RAB18: variants seen among roughly 807,000 people sequenced by gnomAD.
RAB18 encodes ras-related protein Rab-18.
Under a neutral mutation model 28.5 loss-of-function variants are expected in RAB18, and 10 were observed. The observed-to-expected ratio is 0.35, with a 90% confidence interval of 0.22 to 0.60. RAB18 has a LOEUF of 0.60. Among genes scored for constraint, RAB18 ranks in the 20% least tolerant of loss-of-function variants. RAB18 has a pLI of 0.78. For missense variants in RAB18, 188 were observed against 244.2 expected (o/e 0.77, Z 1.53); for synonymous variants, 93 against 86.9 (o/e 1.07, Z -0.39).
At chr10:27,507,324 G>A (rs1589557813) in intron 1 of RAB18, among the ~76,000 whole-genome samples, 1 of 152,192 alleles carries the variant, frequency 6.6e-6, no homozygotes, top group South Asian at 2.1e-4. Context: ...TGAAACTGGG[G>A]CTGCCACTTG....
At chr10:27,523,562 T>C (rs1834610126) in intron 2 of RAB18, among the ~76,000 whole-genome samples, 1 of 151,882 alleles carries the variant, frequency 6.6e-6, no homozygotes, top group South Asian at 2.1e-4. Context: ...CCTAATTTGC[T>C]GTTAATCCCA....
chr10:27,530,598 C>T (rs1254621028), intron 3 of RAB18, among the ~76,000 whole-genome samples: 1 of 151,770 alleles, frequency 6.6e-6, no homozygotes, highest in Non-Finnish European at 1.5e-5. Context: ...AATGATTTGT[C>T]ATTTAAAAAT....
At chr10:27,506,160 T>G (rs1414826590) in intron 1 of RAB18, among the ~76,000 whole-genome samples, 1 of 152,180 alleles carries the variant, frequency 6.6e-6, no homozygotes, top group African/African-American at 2.4e-5. Flanking sequence ...CATATGAAAT[T>G]AGTGTTTTTG....
chr10:27,532,563 A>C lies in RAB18; in HGVS notation c.243A>C (p.Ala81=). The part of the protein sequence containing the change: ...RTLTPSYYRG[A]QGVILVYDVT... ...TAACTCCCAGCTATTATAGAGGTGC[A>C]CAGGGTGTTATATTAGGTAAGTGTT... Residue 81 remains alanine (A), a synonymous_variant, in exon 4 of 7, where the codon GCA becomes GCC. Coordinates refer to ENST00000356940, the MANE Select transcript of RAB18 (RefSeq NM_021252.5). 2 of 1,600,158 alleles carry C rather than the reference A, an allele frequency of 1.2e-6. No homozygotes were observed. The highest frequency in any genetic ancestry group is 1.3e-5 in the African/African-American group (1 of 74,728).
In RAB18 at chr10:27,540,793, G is replaced by A. The variant is rs554248570; in HGVS notation, c.*2742G>A. The A allele has an allele frequency of 2.2e-6, 1 of 454,024 alleles. No individual in the cohort carries two copies. Among genetic ancestry groups the A allele is most frequent in the African/African-American group, 2.0e-5 (1 of 50,096 alleles). The allele number at this position is 454,024 out of a possible 1,614,324, so 28.1% of individuals were successfully genotyped here. ...CATCCATAAACTCATACTTGGTGTT[G>A]ACATTCTAGCTGAGTGTTGTGGAAA... On this transcript the variant is annotated 3_prime_UTR_variant, in exon 7 of 7. Transcript: ENST00000356940.
intron 1 of RAB18, 22 bp from the exon 2 acceptor site, chr10:27,509,853 G>T (rs1554899072): frequency 1.9e-6 from 3 of 1,601,760 alleles, no homozygotes; most frequent in Admixed American, 1.7e-5. Flanking sequence ...TTCCCAACCT[G>T]TCTTTTTAAT....
chr10:27,532,537 T>A lies in RAB18; in HGVS notation c.217T>A (p.Leu73Ile). 6.2e-7 allele frequency: 1 copy of A among 1,606,034 alleles called. No homozygotes were observed. Among genetic ancestry groups the A allele is most frequent in the East Asian group, 2.2e-5 (1 of 44,678 alleles). ...DTAGQERFRT[L>I]TPSYYRGAQG... ...TGCTGGTCAAGAGAGGTTTAGAACA[T>A]TAACTCCCAGCTATTATAGAGGTGC... The change falls in exon 4 of 7, where the codon TTA (leucine) becomes ATA (isoleucine). Residue 73 changes from leucine to isoleucine, a missense_variant. Physicochemically the swap from Leu to Ile is conservative, Grantham distance 5. Transcript: ENST00000356940.
At chr10:27,504,840 A>G (rs1837774333) in intron 1 of RAB18, 2 of 466,154 alleles carry the variant, frequency 4.3e-6, no homozygotes, top group Admixed American at 2.7e-5. Context: ...GACCCGGGAG[A>G]CATAGCTTTC....
At chr10:27,531,724 T>G in intron 3 of RAB18, 1 of 615,298 alleles carries the variant, frequency 1.6e-6, no homozygotes, top group Non-Finnish European at 3.0e-6. Context: ...AGTCCAAGGA[T>G]GGTAGAAAGA....
intron 2 of RAB18, chr10:27,510,415 A>T (rs1163575119): frequency 5.8e-6 from 1 of 173,392 alleles, no homozygotes; most frequent in African/African-American, 2.4e-5. Flanking sequence ...GATACTAGTT[A>T]TTAAGGATTG....
chr10:27,531,321 A>T (rs966148243), intron 3 of RAB18, among the ~76,000 whole-genome samples: 1 of 151,946 alleles, frequency 6.6e-6, no homozygotes, highest in Non-Finnish European at 1.5e-5. Flanking sequence ...GTTATAAATG[A>T]CTGCAGATCC....
intron 4 of RAB18, 126 bp from the exon 5 acceptor site, chr10:27,533,609 G>A (rs755544438): frequency 4.8e-5 from 53 of 1,112,572 alleles, no homozygotes; most frequent in Non-Finnish European, 6.1e-5. Flanking sequence ...AATATTAATC[G>A]TTGAAGACAA....
chr10:27,532,484 TTAA>T lies in RAB18; in HGVS notation c.187-15_187-13del. 2.6e-6 allele frequency: 4 copies of T among 1,547,838 alleles called. No individual in the cohort carries two copies. Among genetic ancestry groups the T allele is most frequent in the Non-Finnish European group, 3.6e-6 (4 of 1,122,280 alleles). On this transcript the variant is annotated intron_variant, in intron 3 of 6. Transcript: ENST00000356940. The stretch of plus-strand genomic sequence containing the variant: ...AAGGTCTATTTATACTTTGTTTAAT[TTAA>T]TAATAATGATCATTTTTAGGATACT...
chr10:27,508,604 A>G (rs1323568300), intron 1 of RAB18, among the ~76,000 whole-genome samples: 1 of 152,240 alleles, frequency 6.6e-6, no homozygotes, highest in Non-Finnish European at 1.5e-5. Flanking sequence ...AACTAAATAT[A>G]GTCAAGATGT....
At chr10:27,518,226 A>C (rs1048497909) in intron 2 of RAB18, among the ~76,000 whole-genome samples, 2 of 152,164 alleles carry the variant, frequency 1.3e-5, no homozygotes, top group African/African-American at 4.8e-5. Flanking sequence ...TATGAATACT[A>C]ATTTTTATTT....
At chr10:27,534,941 A>G (rs1834862765) in intron 6 of RAB18, among the ~76,000 whole-genome samples, 1 of 152,212 alleles carries the variant, frequency 6.6e-6, no homozygotes, top group Non-Finnish European at 1.5e-5. Context: ...CCCAATATTT[A>G]TTGAACACTC....
intron 2 of RAB18, among the ~76,000 whole-genome samples, chr10:27,514,810 G>A (rs1354885031): frequency 1.3e-5 from 2 of 150,256 alleles, no homozygotes; most frequent in Non-Finnish European, 3.0e-5. Flanking sequence ...TTGTTCTGTC[G>A]CCAGGTTGGA....
At chr10:27,509,704 G>A (rs975126286) in intron 1 of RAB18, among the ~76,000 whole-genome samples, 171 bp from the exon 2 acceptor site, 1 of 152,082 alleles carries the variant, frequency 6.6e-6, no homozygotes, top group Non-Finnish European at 1.5e-5. Flanking sequence ...TGCCTTTCTG[G>A]TAATTTAATT....
Position 27,540,492 on chromosome 10 carries a change from T to A in RAB18, c.*2441T>A. On this transcript the variant is annotated 3_prime_UTR_variant, in exon 7 of 7. Coordinates refer to ENST00000356940, the MANE Select transcript of RAB18 (RefSeq NM_021252.5). ...ATTTCTTTATCACTCTTTTGTTATA[T>A]GTAATAGAAGTATTTCACACTTTTG... 1 of 454,102 alleles carries A rather than the reference T, an allele frequency of 2.2e-6. No homozygotes were observed. The highest frequency in any genetic ancestry group is 1.6e-5 in the South Asian group (1 of 64,472). The allele number at this position is 454,102 out of a possible 1,614,324, so 28.1% of individuals were successfully genotyped here.
Sources: allele counts gnomAD v4.1 joint callset (sites outside exome capture counted in the v4.1 genomes callset), GRCh38; gene constraint gnomAD v4.1.1; transcripts MANE v1.5; gene names NCBI Gene and HGNC (gene_info 2026-07-23, HGNC 2026-07-21).